The following SLC2A13 variants were observed in gnomAD, a reference collection of about 807,000 sequenced individuals.
SLC2A13 encodes the protein solute carrier family 2 member 13, also known as proton myo-inositol cotransporter.
In SLC2A13, 32 loss-of-function variants were observed where a neutral mutation model predicts 64.4. That is an observed-to-expected ratio of 0.50 (90% CI 0.37 to 0.67). SLC2A13 has a LOEUF of 0.67. Ranked by LOEUF, SLC2A13 falls within the 30% of genes least tolerant of loss-of-function variation. The pLI is 0.00. For synonymous variants in SLC2A13, 338 were observed against 327.1 expected (o/e 1.03, Z -0.36); for missense variants, 743 against 829.2 (o/e 0.90, Z 1.28).
intron 5 of SLC2A13, among the ~76,000 whole-genome samples, chr12:39,868,280 G>A (rs1943957482): frequency 6.6e-6 from 1 of 152,052 alleles, no homozygotes; most frequent in Non-Finnish European, 1.5e-5. Flanking sequence ...GATATAATTT[G>A]GCAAATAAAA....
chr12:40,101,573 A>G (rs537910896), intron 1 of SLC2A13, among the ~76,000 whole-genome samples: 2 of 152,228 alleles, frequency 1.3e-5, no homozygotes, highest in Admixed American at 6.5e-5. Context: ...GAAAACAAAA[A>G]CCCTCACATC....
intron 4 of SLC2A13, among the ~76,000 whole-genome samples, chr12:39,896,046 G>T (rs773957782): frequency 7.0e-6 from 1 of 143,062 alleles, no homozygotes; most frequent in Non-Finnish European, 1.5e-5. Context: ...GTTTATATAC[G>T]CATGTATATA....
chr12:40,050,569 T>C lies in SLC2A13; in HGVS notation c.557-2359A>G, dbSNP rs540747177. ...CTTAACACTGCAACAACTACCTACA[T>C]TCAGCAGATATTTTATAGGGACTAA... On this transcript the variant is annotated intron_variant, in intron 1 of 9. Transcript: ENST00000280871. Among the ~76,000 whole-genome samples the C allele has an allele frequency of 4.6e-5, 7 of 152,308 alleles. No individual in the cohort carries two copies. The Middle Eastern group carries it at 0.024, about 518-fold the overall frequency.
At chr12:39,767,302 C>CTT (rs112470893) in intron 7 of SLC2A13, among the ~76,000 whole-genome samples, 20,407 of 147,156 alleles carry the variant, frequency 0.14, 1,619 homozygotes, top group East Asian at 0.4. Context: ...TGAAAGGAAT[C>CTT]TTTTTTTTCT....
chr12:39,793,825 A>C (rs1361354015), intron 7 of SLC2A13, among the ~76,000 whole-genome samples: 5 of 152,140 alleles, frequency 3.3e-5, no homozygotes. Context: ...CATAATTTCA[A>C]AATAAATGAT....
chr12:39,919,387 T>C (rs764854505), intron 4 of SLC2A13, among the ~76,000 whole-genome samples: 2 of 152,054 alleles, frequency 1.3e-5, no homozygotes, highest in Non-Finnish European at 2.9e-5. Context: ...TCTTTATAGA[T>C]TGCAAAATAA....
At chr12:39,995,503 T>C (rs1442592731) in intron 3 of SLC2A13, among the ~76,000 whole-genome samples, 1 of 152,196 alleles carries the variant, frequency 6.6e-6, no homozygotes, top group East Asian at 1.9e-4. Flanking sequence ...CATGTGCATG[T>C]CACTTAAAGA....
At chr12:40,103,891 C>T (rs922437938) in intron 1 of SLC2A13, among the ~76,000 whole-genome samples, 2 of 152,208 alleles carry the variant, frequency 1.3e-5, no homozygotes, top group Non-Finnish European at 2.9e-5. Flanking sequence ...TTTGTGCCAA[C>T]TTAATATGTT....
At chr12:40,074,037 C>T (rs914489022) in intron 1 of SLC2A13, among the ~76,000 whole-genome samples, 1 of 151,864 alleles carries the variant, frequency 6.6e-6, no homozygotes, top group African/African-American at 2.4e-5. Context: ...TCTGATATTC[C>T]GTTATGGTTT....
chr12:40,080,797 C>CA (rs2136283289), intron 1 of SLC2A13, among the ~76,000 whole-genome samples: 1 of 152,322 alleles, frequency 6.6e-6, no homozygotes, highest in Admixed American at 6.5e-5. Flanking sequence ...TCTATAGTGT[C>CA]AGTGGGCTAG....
At chr12:39,774,603 T>G (rs551636534) in intron 7 of SLC2A13, among the ~76,000 whole-genome samples, 264 of 150,480 alleles carry the variant, frequency 1.8e-3, no homozygotes, top group African/African-American at 6.0e-3. Flanking sequence ...TTTTTTTTGG[T>G]TTTGTAATTT....
At chr12:39,783,804 A>G (rs1488717759) in intron 7 of SLC2A13, among the ~76,000 whole-genome samples, 1 of 152,208 alleles carries the variant, frequency 6.6e-6, no homozygotes, top group Admixed American at 6.5e-5. Flanking sequence ...TGCAGATGAC[A>G]TGACTGTATA....
At chr12:40,071,284 G>A (rs958791815) in intron 1 of SLC2A13, among the ~76,000 whole-genome samples, 6 of 151,962 alleles carry the variant, frequency 3.9e-5, no homozygotes, top group African/African-American at 1.2e-4. Flanking sequence ...GGCTGGTCTC[G>A]AAATTCTATT....
At chr12:39,978,959 C>A (rs1233451814) in intron 3 of SLC2A13, among the ~76,000 whole-genome samples, 4 of 149,402 alleles carry the variant, frequency 2.7e-5, no homozygotes, top group South Asian at 2.2e-4. Flanking sequence ...GTTCTCCCAG[C>A]ACGCAGCTGG....
chr12:39,872,416 A>T (rs1944081046), intron 4 of SLC2A13, among the ~76,000 whole-genome samples: 1 of 152,236 alleles, frequency 6.6e-6, no homozygotes, highest in African/African-American at 2.4e-5. Context: ...AATCTGGGAC[A>T]AGTGAAGGAA....
rs28370680 is a variant in SLC2A13, at chr12:40,028,427, T to A, written c.799A>T (p.Ile267Phe). ...GCCTTCTGAGTCTGTCCTTTCTGAA[T>A]AAGCCATCGAGGGCTTTCAGGCAAA... Reference protein sequence around the residue: ...LFLPESPRWLIQKGQTQKARR... With the variant: ...LFLPESPRWLFQKGQTQKARR... The change falls in exon 3 of 10, where the codon ATT becomes TTT. Residue 267 changes from isoleucine (I) to phenylalanine (F), a missense_variant. Transcript: ENST00000280871. The A allele has an allele frequency of 2.5e-6, 4 of 1,614,050 alleles. No individual in the cohort carries two copies. The highest frequency in any genetic ancestry group is 3.4e-6 in the Non-Finnish European group (4 of 1,179,986).
chr12:39,809,306 A>C (rs896138747), intron 7 of SLC2A13, among the ~76,000 whole-genome samples: 1 of 152,150 alleles, frequency 6.6e-6, no homozygotes, highest in Non-Finnish European at 1.5e-5. Context: ...TGTCTGGATT[A>C]CTGTAACTTT....
At chr12:40,103,280 C>A (rs1939203644) in intron 1 of SLC2A13, among the ~76,000 whole-genome samples, 1 of 152,194 alleles carries the variant, frequency 6.6e-6, no homozygotes, top group Admixed American at 6.5e-5. Flanking sequence ...CTTAGAACGT[C>A]CTTTCCTCGT....
intron 3 of SLC2A13, among the ~76,000 whole-genome samples, chr12:39,988,038 T>G (rs1389145244): frequency 6.6e-6 from 1 of 152,152 alleles, no homozygotes; most frequent in Non-Finnish European, 1.5e-5. Context: ...TATTGATAAA[T>G]GTTTAGATGG....
Sources: gnomAD v4.1 joint callset for allele counts (sites outside exome capture counted in the v4.1 genomes callset) on GRCh38, gnomAD v4.1.1 for gene constraint, MANE v1.5 for transcripts, NCBI Gene and HGNC (gene_info 2026-07-23, HGNC 2026-07-21) for gene names.